Variants in EIF4EBP1 observed in about 807,000 individuals in gnomAD.
EIF4EBP1 encodes the protein eukaryotic translation initiation factor 4E binding protein 1, also known as eukaryotic translation initiation factor 4E-binding protein 1.
Under a neutral mutation model 9.2 loss-of-function variants are expected in EIF4EBP1, and 5 were observed. The ratio of observed to expected loss-of-function variants is 0.54; its 90% confidence interval spans 0.28 to 1.14. The LOEUF (loss-of-function observed/expected upper bound fraction) is 1.14. EIF4EBP1 is among the 50% of genes most tolerant of loss of function. The probability of loss-of-function intolerance (pLI) is 0.09; values close to 1 mark genes in which losing one functional copy is unlikely to be tolerated. For synonymous variants in EIF4EBP1, 62 were observed against 67.0 expected, an observed-to-expected ratio of 0.93 and a Z score of 0.36; for missense variants, 139 against 169.6, an observed-to-expected ratio of 0.82 and a Z score of 1.00.
In EIF4EBP1 at chr8:38,030,600, G is replaced by C; in HGVS notation, c.27G>C (p.Gln9His). 1 of 1,515,316 alleles carries C rather than the reference G, an allele frequency of 6.6e-7. No homozygotes were observed. Among genetic ancestry groups the C allele is most frequent in the Non-Finnish European group, 8.8e-7 (1 of 1,138,374 alleles). 93.9% of individuals were successfully genotyped at this position (1,515,316 alleles called of 1,614,324 possible). The change falls in exon 1 of 3, where the codon CAG (glutamine) becomes CAC (histidine). Residue 9 changes from glutamine (Q) to histidine (H), a missense_variant. Coordinates refer to ENST00000338825, the MANE Select transcript of EIF4EBP1 (RefSeq NM_004095.4). ...TGTCCGGGGGCAGCAGCTGCAGCCA[G>C]ACCCCAAGCCGGGCCATCCCCGCCA... MSGGSSCS[Q>H]TPSRAIPATR...
At chr8:38,033,897 C>A (rs913511414) in intron 1 of EIF4EBP1, among the ~76,000 whole-genome samples, 2 of 151,966 alleles carry the variant, frequency 1.3e-5, no homozygotes, top group African/African-American at 4.8e-5. Flanking sequence ...CAGGCGCCCG[C>A]GATCAAGCCC....
chr8:38,047,772 A>G (rs1251342993), intron 1 of EIF4EBP1, among the ~76,000 whole-genome samples: 2 of 152,226 alleles, frequency 1.3e-5, no homozygotes, highest in African/African-American at 2.4e-5. Flanking sequence ...GGCATGAGCC[A>G]CTGCGCCCAG....
At chr8:38,038,033 A>G (rs993553802) in intron 1 of EIF4EBP1, among the ~76,000 whole-genome samples, 1 of 151,778 alleles carries the variant, frequency 6.6e-6, no homozygotes, top group African/African-American at 2.4e-5. Flanking sequence ...TCAGCCTCCC[A>G]AAACACTGGG....
At chr8:38,055,146 G>T (rs901976396) in intron 1 of EIF4EBP1, among the ~76,000 whole-genome samples, 13 of 152,126 alleles carry the variant, frequency 8.5e-5, no homozygotes, top group African/African-American at 3.1e-4. Context: ...TTTATCTTTA[G>T]GTATCTCTCT....
chr8:38,038,525 C>A (rs1809334170), intron 1 of EIF4EBP1, among the ~76,000 whole-genome samples: 2 of 125,636 alleles, frequency 1.6e-5, no homozygotes, highest in Non-Finnish European at 1.7e-5. Flanking sequence ...AAAAAAAAGG[C>A]AGAGTCTTGT....
At chr8:38,059,831 C>CA in intron 2 of EIF4EBP1, 73 bp from the exon 3 acceptor site, 1 of 1,287,950 alleles carries the variant, frequency 7.8e-7, no homozygotes, top group East Asian at 2.3e-5. Flanking sequence ...TTCTTTATAG[C>CA]AATGAAAGAA....
At chr8:38,058,951 G>A (rs956373634) in intron 2 of EIF4EBP1, among the ~76,000 whole-genome samples, 1 of 152,268 alleles carries the variant, frequency 6.6e-6, no homozygotes, top group East Asian at 1.9e-4. Context: ...AGGCATGGTG[G>A]TGCATGCCTG....
chr8:38,032,138 G>T (rs181330815), intron 1 of EIF4EBP1, among the ~76,000 whole-genome samples: 1 of 152,196 alleles, frequency 6.6e-6, no homozygotes, highest in East Asian at 1.9e-4. Context: ...CCCTGAGGCC[G>T]GCCTGAAGGC....
chr8:38,040,374 A>G (rs113123563), intron 1 of EIF4EBP1, among the ~76,000 whole-genome samples: 2,637 of 152,336 alleles, frequency 0.017, 74 homozygotes, highest in African/African-American at 0.06. Flanking sequence ...AAAGCTCATT[A>G]AGAGAGCTCA....
intron 2 of EIF4EBP1, 121 bp downstream of exon 2, chr8:38,057,381 A>G: frequency 1.6e-6 from 2 of 1,219,242 alleles, no homozygotes; most frequent in Non-Finnish European, 2.2e-6. Flanking sequence ...CCTACCCTCT[A>G]AGGAGCAGCT....
At chr8:38,059,328 C>A (rs964293030) in intron 2 of EIF4EBP1, among the ~76,000 whole-genome samples, 1 of 152,150 alleles carries the variant, frequency 6.6e-6, no homozygotes. Flanking sequence ...CTTGCTCCTG[C>A]TTCCTCCATG....
intron 1 of EIF4EBP1, among the ~76,000 whole-genome samples, 159 bp downstream of exon 1, chr8:38,030,877 C>G (rs1004980584): frequency 2.6e-5 from 4 of 152,336 alleles, no homozygotes; most frequent in South Asian, 2.1e-4. Context: ...AGTGGCCGCC[C>G]GCTTCCCCTC....
At chr8:38,045,436 C>T (rs372537909) in intron 1 of EIF4EBP1, among the ~76,000 whole-genome samples, 2 of 151,640 alleles carry the variant, frequency 1.3e-5, no homozygotes, top group South Asian at 2.1e-4. Context: ...GTCTCTATGG[C>T]TTTATTTATT....
intron 1 of EIF4EBP1, among the ~76,000 whole-genome samples, chr8:38,038,156 T>C (rs1205199469): frequency 6.6e-6 from 1 of 152,136 alleles, no homozygotes; most frequent in African/African-American, 2.4e-5. Context: ...TTTTTGACTT[T>C]ACGATGGTAT....
At chr8:38,048,266 C>T (rs1809471478) in intron 1 of EIF4EBP1, among the ~76,000 whole-genome samples, 1 of 150,776 alleles carries the variant, frequency 6.6e-6, no homozygotes, top group African/African-American at 2.4e-5. Context: ...GAGCAAGACC[C>T]TGTTTCAAAA....
intron 1 of EIF4EBP1, among the ~76,000 whole-genome samples, chr8:38,036,117 T>G (rs751805596): frequency 2.0e-5 from 3 of 152,160 alleles, no homozygotes; most frequent in Non-Finnish European, 4.4e-5. Context: ...GCAATTCTCC[T>G]GCCTCGGCCT....
chr8:38,036,480 G>C, intron 1 of EIF4EBP1, among the ~76,000 whole-genome samples: 1 of 152,186 alleles, frequency 6.6e-6, no homozygotes, highest in East Asian at 1.9e-4. Context: ...AGAAAAAAGA[G>C]AGAGAGTTTG....
chr8:38,059,864 A>G (rs1484901581), intron 2 of EIF4EBP1, 40 bp from the exon 3 acceptor site: 1 of 1,493,238 alleles, frequency 6.7e-7, no homozygotes, highest in Admixed American at 1.9e-5. Flanking sequence ...CCAAGCATTC[A>G]CCCATTGTTG....
intron 1 of EIF4EBP1, among the ~76,000 whole-genome samples, chr8:38,045,928 CAG>C (rs1347298194): frequency 6.6e-6 from 1 of 151,442 alleles, no homozygotes; most frequent in Non-Finnish European, 1.5e-5. Context: ...TTGTTTGAGA[CAG>C]AGTCTTGCTC....
Sources: allele counts gnomAD v4.1 joint callset (sites outside exome capture counted in the v4.1 genomes callset), GRCh38; gene constraint gnomAD v4.1.1; transcripts MANE v1.5; gene names NCBI Gene and HGNC (gene_info 2026-07-23, HGNC 2026-07-21).